BRINP3: variants seen among roughly 807,000 people sequenced by gnomAD.
BRINP3 encodes the protein BMP/retinoic acid-inducible neural-specific protein 3.
BRINP3 carries 19 observed loss-of-function variants against 71.0 expected under a neutral mutation model. The ratio of observed to expected loss-of-function variants is 0.27; its 90% CI spans 0.19 to 0.39. BRINP3 has a LOEUF of 0.39. BRINP3 is among the 10% of genes least tolerant of loss of function. The pLI is 1.00. For missense variants in BRINP3, 959 were observed against 940.8 expected, an observed-to-expected ratio of 1.02 and a Z score of -0.25; for synonymous variants, 380 against 337.7, an observed-to-expected ratio of 1.13 and a Z score of -1.37.
intron 4 of BRINP3, among the ~76,000 whole-genome samples, chr1:190,250,843 A>C (rs1660067972): frequency 6.6e-6 from 1 of 151,952 alleles, no homozygotes; most frequent in African/African-American, 2.4e-5. Context: ...TCACCAGATA[A>C]CTTAGCCTGT....
In BRINP3 at chr1:190,103,100, A is replaced by C. The variant is rs114741962; in HGVS notation, c.1185-3966T>G. Among the ~76,000 whole-genome samples the C allele has an allele frequency of 2.1e-3, 318 of 152,214 alleles. 4 individuals are homozygous for C. Among genetic ancestry groups the C allele is most frequent in the Non-Finnish European group, 2.8e-3 (187 of 67,964 alleles). On this transcript the variant is annotated intron_variant, in intron 7 of 7. Coordinates refer to ENST00000367462, the MANE Select transcript of BRINP3 (RefSeq NM_199051.3). Reference sequence around the variant, plus strand: ...AAAGAGGACTAGAGTAGGAGTGTGAATATCTGACTTTACAGCCATACTTTA... The same window carrying C: ...AAAGAGGACTAGAGTAGGAGTGTGACTATCTGACTTTACAGCCATACTTTA...
intron 6 of BRINP3, among the ~76,000 whole-genome samples, chr1:190,190,031 TTC>T (rs1439200951): frequency 3.9e-5 from 6 of 151,964 alleles, no homozygotes; most frequent in Admixed American, 2.6e-4. Flanking sequence ...GGACATTGAG[TTC>T]TGTCTGTGCT....
chr1:190,381,359 T>A (rs1670537915), intron 2 of BRINP3, among the ~76,000 whole-genome samples: 1 of 152,106 alleles, frequency 6.6e-6, no homozygotes, highest in South Asian at 2.1e-4. Context: ...AGACTTTCAG[T>A]GAGCACAAAT....
chr1:190,454,669 T>C lies in BRINP3; in HGVS notation c.222A>G (p.Arg74=). Residue 74 remains arginine, a synonymous_variant, in exon 2 of 8, where the codon AGA becomes AGG. Transcript: ENST00000367462. ...TTGCTTCATACCTGTATATCTTGTATCTTGTGCTAAATCCCTGCCGGCTTC... is the reference window on the plus strand; with the variant it reads ...TTGCTTCATACCTGTATATCTTGTACCTTGTGCTAAATCCCTGCCGGCTTC... ...VDRSRQGFST[R]YKIYREFGRW... is the part of the protein sequence containing the mutation. 1 of 1,613,902 alleles carries C rather than the reference T, an allele frequency of 6.2e-7. No homozygotes were observed. Among genetic ancestry groups the C allele is most frequent in the Non-Finnish European group, 8.5e-7 (1 of 1,179,828 alleles).
At chr1:190,143,142 G>GA (rs2102396507) in intron 7 of BRINP3, among the ~76,000 whole-genome samples, 1 of 152,064 alleles carries the variant, frequency 6.6e-6, no homozygotes, top group Admixed American at 6.6e-5. Flanking sequence ...TGGAGTGGAG[G>GA]AAAATAAAAT....
chr1:190,113,574 C>T (rs1652869113), intron 7 of BRINP3, among the ~76,000 whole-genome samples: 1 of 152,064 alleles, frequency 6.6e-6, no homozygotes, highest in Admixed American at 6.6e-5. Flanking sequence ...ACACATTTAC[C>T]CATTTCTAAA....
At chr1:190,322,961 A>T (rs936822261) in intron 2 of BRINP3, among the ~76,000 whole-genome samples, 1 of 152,002 alleles carries the variant, frequency 6.6e-6, no homozygotes, top group African/African-American at 2.4e-5. Context: ...ATTTTTACAC[A>T]TTCAAAGCGC....
Position 190,234,443 on chromosome 1 carries a change from C to T in BRINP3, c.653G>A (p.Ser218Asn), listed in dbSNP as rs1658322402. Residue 218 changes from serine to asparagine, a missense_variant, in exon 5 of 8, where the codon AGT becomes AAT. Coordinates refer to ENST00000367462, the MANE Select transcript of BRINP3 (RefSeq NM_199051.3). ...GACAGAATCTAGGTTGTCATAGTTA[C>T]TGCAGCCAAGAGGACCAGTCCGTGT... ...TETRTGPLGC[S>N]NYDNLDSVSS... is the part of the protein sequence containing the mutation. 1 of 1,612,450 alleles carries T rather than the reference C, an allele frequency of 6.2e-7. No homozygotes were observed. Among genetic ancestry groups the T allele is most frequent in the Non-Finnish European group, 8.5e-7 (1 of 1,178,994 alleles).
At chr1:190,458,430 G>T (rs1050589468) in intron 1 of BRINP3, among the ~76,000 whole-genome samples, 4 of 152,046 alleles carry the variant, frequency 2.6e-5, no homozygotes, top group African/African-American at 4.8e-5. Flanking sequence ...AAGCATGTAA[G>T]CTTCTAGCCA....
At chr1:190,432,875 A>G (rs1219621367) in intron 2 of BRINP3, among the ~76,000 whole-genome samples, 1 of 152,170 alleles carries the variant, frequency 6.6e-6, no homozygotes, top group African/African-American at 2.4e-5. Context: ...ACTGTAGCAA[A>G]AGATTAGTTG....
intron 7 of BRINP3, among the ~76,000 whole-genome samples, chr1:190,119,870 G>C (rs1254483673): frequency 6.6e-6 from 1 of 152,106 alleles, no homozygotes; most frequent in Non-Finnish European, 1.5e-5. Flanking sequence ...ACTCCCACTG[G>C]GGACTGCAGG....
At chr1:190,378,872 G>C (rs1396423568) in intron 2 of BRINP3, among the ~76,000 whole-genome samples, 1 of 152,118 alleles carries the variant, frequency 6.6e-6, no homozygotes, top group Non-Finnish European at 1.5e-5. Flanking sequence ...GCATCTATCT[G>C]AGCTGTTCAC....
chr1:190,254,954 C>A (rs1016340227), intron 4 of BRINP3, among the ~76,000 whole-genome samples: 1 of 151,908 alleles, frequency 6.6e-6, no homozygotes, highest in Non-Finnish European at 1.5e-5. Context: ...CATCAATACC[C>A]AGTTTATTGA....
At chr1:190,447,160 A>G (rs1558294801) in intron 2 of BRINP3, among the ~76,000 whole-genome samples, 1 of 151,582 alleles carries the variant, frequency 6.6e-6, no homozygotes, top group African/African-American at 2.4e-5. Flanking sequence ...AGCTGTTTAT[A>G]GGAGTAAGTA....
At chr1:190,174,102 C>A (rs202245663) in intron 6 of BRINP3, among the ~76,000 whole-genome samples, 1 of 152,130 alleles carries the variant, frequency 6.6e-6, no homozygotes, top group Non-Finnish European at 1.5e-5. Context: ...CAAAGAATAA[C>A]AAAATAATCA....
At chr1:190,160,999 A>T in intron 6 of BRINP3, 109 bp from the exon 7 acceptor site, 1 of 709,144 alleles carries the variant, frequency 1.4e-6, no homozygotes, top group Non-Finnish European at 2.3e-6. Flanking sequence ...TATATGTCAA[A>T]TTAAGAACAA....
At chr1:190,296,022 C>T (rs568115330) in intron 2 of BRINP3, among the ~76,000 whole-genome samples, 1 of 147,702 alleles carries the variant, frequency 6.8e-6, no homozygotes, top group Admixed American at 6.9e-5. Flanking sequence ...GATCTGGCTC[C>T]TCATTTGTCT....
intron 2 of BRINP3, among the ~76,000 whole-genome samples, chr1:190,350,259 G>C (rs1668293670): frequency 6.6e-6 from 1 of 152,128 alleles, no homozygotes; most frequent in Admixed American, 6.6e-5. Context: ...CCACAGCTAT[G>C]TTCTGGAGGT....
intron 6 of BRINP3, among the ~76,000 whole-genome samples, chr1:190,214,743 T>C (rs1415385595): frequency 6.6e-6 from 1 of 151,984 alleles, no homozygotes; most frequent in African/African-American, 2.4e-5. Context: ...ACAGCAAACT[T>C]ACAAGGAACA....
Sources: gnomAD v4.1 joint callset for allele counts (sites outside exome capture counted in the v4.1 genomes callset) on GRCh38, gnomAD v4.1.1 for gene constraint, MANE v1.5 for transcripts, NCBI Gene and HGNC (gene_info 2026-07-23, HGNC 2026-07-21) for gene names.